The following SMC4 variants were observed in gnomAD, a reference collection of about 807,000 sequenced individuals.
SMC4 encodes structural maintenance of chromosomes protein 4.
A neutral mutation model predicts 145.6 loss-of-function variants in SMC4; 87 were observed. That is an observed-to-expected ratio of 0.60 (90% CI 0.50 to 0.71). The LOEUF is 0.71. Ranked by LOEUF, SMC4 falls within the 30% of genes least tolerant of loss-of-function variation. SMC4 has a pLI of 0.00. For synonymous variants in SMC4, 558 were observed against 500.7 expected (o/e 1.11, Z -1.53); for missense variants, 1,447 against 1,537.1 (o/e 0.94, Z 0.98).
intron 7 of SMC4, 144 bp from the exon 8 acceptor site, chr3:160,413,329 G>A (rs1716225885): frequency 1.3e-6 from 1 of 753,026 alleles, no homozygotes; most frequent in Admixed American, 3.9e-5. Context: ...GACCCAGGGG[G>A]ATTTTCCCCT....
At chr3:160,433,309 A>G in intron 23 of SMC4, 100 bp downstream of exon 23, 1 of 804,994 alleles carries the variant, frequency 1.2e-6, no homozygotes, top group Admixed American at 2.6e-5. Flanking sequence ...CTTTTTCTTT[A>G]TTGTCTAATA....
At chr3:160,429,799 C>T (rs1377574508) in intron 18 of SMC4, among the ~76,000 whole-genome samples, 1 of 151,564 alleles carries the variant, frequency 6.6e-6, no homozygotes, top group Non-Finnish European at 1.5e-5. Flanking sequence ...TCACTGCAGC[C>T]TCCGCCTCCC....
intron 11 of SMC4, among the ~76,000 whole-genome samples, chr3:160,418,734 ATT>A (rs57373079): frequency 2.0e-5 from 3 of 152,174 alleles, no homozygotes; most frequent in Non-Finnish European, 4.4e-5. Flanking sequence ...AATAGACATA[ATT>A]TAAATCTAGT....
At chr3:160,413,658 T>C (rs781027391) in intron 8 of SMC4, 45 bp downstream of exon 8, 1 of 1,050,352 alleles carries the variant, frequency 9.5e-7, no homozygotes, top group Non-Finnish European at 1.4e-6. Flanking sequence ...GATAATTGTA[T>C]TACATGTGTA....
chr3:160,432,873 T>C (rs1348828949), intron 22 of SMC4, 153 bp from the exon 23 acceptor site: 2 of 618,826 alleles, frequency 3.2e-6, no homozygotes, highest in African/African-American at 3.7e-5. Flanking sequence ...CAATAACGTT[T>C]TTATAAAATA....
chr3:160,408,511 G>A (rs1402177765), intron 5 of SMC4, among the ~76,000 whole-genome samples: 1 of 152,196 alleles, frequency 6.6e-6, no homozygotes, highest in African/African-American at 2.4e-5. Context: ...AACTTTGTCA[G>A]CATCAGATAA....
At chr3:160,407,323 C>A (rs562024951) in intron 5 of SMC4, among the ~76,000 whole-genome samples, 1 of 152,138 alleles carries the variant, frequency 6.6e-6, no homozygotes, top group Non-Finnish European at 1.5e-5. Context: ...AAGGCTGAGG[C>A]AGGCAGATCA....
chr3:160,424,507 CT>C (rs1717550212), intron 15 of SMC4, among the ~76,000 whole-genome samples: 1 of 152,078 alleles, frequency 6.6e-6, no homozygotes, highest in African/African-American at 2.4e-5. Flanking sequence ...TTGTTCTGGT[CT>C]TTAAGATCAG....
intron 5 of SMC4, among the ~76,000 whole-genome samples, chr3:160,408,853 A>G (rs1215951309): frequency 1.3e-5 from 2 of 152,150 alleles, no homozygotes; most frequent in Non-Finnish European, 2.9e-5. Context: ...GAGCAACAAG[A>G]AAAGTCCCAG....
At chr3:160,426,226 G>T (rs564824644) in intron 17 of SMC4, 26 bp downstream of exon 17, 8 of 1,537,832 alleles carry the variant, frequency 5.2e-6, no homozygotes, top group African/African-American at 1.4e-5. Flanking sequence ...GACCTTTTTT[G>T]GGGGGAAAAA....
rs1414311843 is a variant in SMC4 at position 160,434,443 on chromosome 3, T to TGAA, written c.*636_*638dup. On this transcript the variant is annotated 3_prime_UTR_variant, in exon 24 of 24. Coordinates refer to ENST00000357388, the MANE Select transcript of SMC4 (RefSeq NM_001002800.3). Reference sequence around the variant, plus strand: ...TCCCACTATAGTTGCTTCATGAGTATGAAGTAAGATGGCCTCTGATTTACA... The same window carrying TGAA: ...TCCCACTATAGTTGCTTCATGAGTATGAAGAAGTAAGATGGCCTCTGATTTACA... The TGAA allele has an allele frequency of 6.6e-6, 1 of 152,198 alleles. No individual in the cohort carries two copies. Among genetic ancestry groups the TGAA allele is most frequent in the African/African-American group, 2.4e-5 (1 of 41,444 alleles). The allele number at this position is 152,198 out of a possible 1,614,324, so 9.4% of individuals were successfully genotyped here. A position where few individuals can be genotyped will look rare whatever the true frequency, so the allele number is the denominator to read the frequency against.
intron 5 of SMC4, among the ~76,000 whole-genome samples, chr3:160,409,375 A>G (rs1033207900): frequency 6.7e-6 from 1 of 149,174 alleles, no homozygotes; most frequent in African/African-American, 2.5e-5. Context: ...GCTCAACTCT[A>G]TTAGAGGAAA....
At chr3:160,419,800 C>CT (rs1442237699) in intron 12 of SMC4, among the ~76,000 whole-genome samples, 21 of 151,740 alleles carry the variant, frequency 1.4e-4, no homozygotes, top group East Asian at 7.7e-4. Context: ...CCATTTTATC[C>CT]TTTTTTTTAA....
intron 16 of SMC4, 102 bp downstream of exon 16, chr3:160,425,121 A>C: frequency 2.8e-6 from 4 of 1,422,856 alleles, no homozygotes; most frequent in East Asian, 2.5e-5. Context: ...AATTTATTAA[A>C]TATATAAGGG....
At chr3:160,401,029 G>C in intron 2 of SMC4, 64 bp downstream of exon 2, 17 of 1,357,340 alleles carry the variant, frequency 1.3e-5, no homozygotes, top group Non-Finnish European at 1.6e-5. Context: ...AACGCGCCCA[G>C]CCCGAGGCTG....
Position 160,423,452 on chromosome 3 carries a change from G to A in SMC4, c.2047G>A (p.Glu683Lys), listed in dbSNP as rs375977621. The A allele has an allele frequency of 4.8e-5, 77 of 1,602,022 alleles. No individual in the cohort carries two copies. Among genetic ancestry groups the A allele is most frequent in the Admixed American group, 2.9e-4 (17 of 59,466 alleles). ...KMAVWAKKMT[E>K]IQTPENTPRL... ...GGCTGTATGGGCGAAAAAGATGACC[G>A]AAATTCAAACTCCTGAAAATACTCC... Residue 683 changes from glutamate (E) to lysine (K), a missense_variant, in exon 14 of 24, where the codon GAA becomes AAA. By Grantham distance (56) the Glu-to-Lys change is moderately conservative. Coordinates refer to ENST00000357388, the MANE Select transcript of SMC4 (RefSeq NM_001002800.3).
Position 160,424,134 on chromosome 3 carries a change from G to GT in SMC4, c.2325+302dup, listed in dbSNP as rs372049319. 2.6e-3 allele frequency among the ~76,000 whole-genome samples: 391 copies of GT among 151,476 alleles called. 1 individual carries two copies. The highest frequency in any genetic ancestry group is 0.01 in the Middle Eastern group (3 of 294). ...TCTGTTTTACATTTAATTTATTGGG[G>GT]TTTTTTTTGTATTATTGCTGTATTA... On this transcript the variant is annotated intron_variant, in intron 15 of 23. Transcript: ENST00000357388.
chr3:160,400,624 A>G (rs1714471279), intron 1 of SMC4, 198 bp from the exon 2 acceptor site: 2 of 570,278 alleles, frequency 3.5e-6, no homozygotes, highest in Non-Finnish European at 5.7e-6. Flanking sequence ...TCCCACTTAC[A>G]TAGGTCTTGT....
intron 7 of SMC4, 148 bp from the exon 8 acceptor site, chr3:160,413,325 G>A: frequency 1.4e-6 from 1 of 722,624 alleles, no homozygotes; most frequent in Non-Finnish European, 2.1e-6. Flanking sequence ...CCTTGACCCA[G>A]GGGGATTTTC....
Sources: allele counts gnomAD v4.1 joint callset (sites outside exome capture counted in the v4.1 genomes callset), GRCh38; gene constraint gnomAD v4.1.1; transcripts MANE v1.5; gene names NCBI Gene and HGNC (gene_info 2026-07-23, HGNC 2026-07-21).